Variants in ADTRP observed in about 807,000 individuals in gnomAD.
ADTRP encodes androgen dependent TFPI regulating protein, also known as androgen-dependent TFPI-regulating protein.
In ADTRP, 20 loss-of-function variants were observed where a neutral mutation model predicts 27.0. The observed-to-expected ratio is 0.74, with a 90% CI of 0.52 to 1.08. ADTRP has a LOEUF of 1.08. Among genes scored for constraint, ADTRP ranks in the 50% least tolerant of loss-of-function variants. The pLI is 0.00. For missense variants in ADTRP, 251 were observed against 275.0 expected (o/e 0.91, Z 0.62); for synonymous variants, 101 against 105.2 (o/e 0.96, Z 0.25).
chr6:11,765,725 A>G (rs1053646497), intron 3 of ADTRP, among the ~76,000 whole-genome samples: 6 of 151,940 alleles, frequency 3.9e-5, no homozygotes, highest in Non-Finnish European at 7.4e-5. Context: ...GGTTCCAGTG[A>G]CCTAAAAATC....
chr6:11,748,071 T>C (rs1762924639), intron 3 of ADTRP, among the ~76,000 whole-genome samples: 1 of 152,186 alleles, frequency 6.6e-6, no homozygotes, highest in Non-Finnish European at 1.5e-5. Context: ...GAACAGACAT[T>C]GATTCGCCTC....
chr6:11,715,527 G>A (rs918989426), intron 5 of ADTRP, among the ~76,000 whole-genome samples: 8 of 151,816 alleles, frequency 5.3e-5, no homozygotes, highest in African/African-American at 1.7e-4. Context: ...TGTCTTCTTC[G>A]TCTGCTCCTC....
chr6:11,770,620 T>G (rs1763740910), intron 1 of ADTRP, among the ~76,000 whole-genome samples: 1 of 151,890 alleles, frequency 6.6e-6, no homozygotes, highest in African/African-American at 2.4e-5. Context: ...CAGAAAGGGG[T>G]GTCCCAGGGA....
chr6:11,718,912 C>T (rs1699185705), intron 5 of ADTRP, among the ~76,000 whole-genome samples: 1 of 152,226 alleles, frequency 6.6e-6, no homozygotes, highest in Admixed American at 6.5e-5. Flanking sequence ...AGCCAGTTCC[C>T]TGCAACTGAG....
chr6:11,734,095 T>A (rs1762470185), intron 4 of ADTRP, among the ~76,000 whole-genome samples: 2 of 152,156 alleles, frequency 1.3e-5, no homozygotes, highest in African/African-American at 4.8e-5. Context: ...GCATACAAAT[T>A]CATGTGTATA....
Position 11,732,498 on chromosome 6 carries a change from G to A in ADTRP, c.506+3070C>T, listed in dbSNP as rs755969039. Among the ~76,000 whole-genome samples, 8 of 152,340 alleles carry A rather than the reference G, an allele frequency of 5.3e-5. No individual in the cohort carries two copies. The East Asian group carries it at 7.7e-4, about 15-fold the overall frequency. On this transcript the variant is annotated intron_variant, in intron 4 of 5. Transcript: ENST00000414691. ...AGGAGCCAGGGGCCCTGGAAACTGCGTAAGGGTGGGGTTGGCAGGCACCAA... is the reference window on the plus strand; with the variant it reads ...AGGAGCCAGGGGCCCTGGAAACTGCATAAGGGTGGGGTTGGCAGGCACCAA...
At chr6:11,726,886 G>A (rs1258503239) in intron 4 of ADTRP, among the ~76,000 whole-genome samples, 4 of 152,202 alleles carry the variant, frequency 2.6e-5, no homozygotes, top group African/African-American at 9.7e-5. Flanking sequence ...TCATATAAAT[G>A]TAGGGTTGGC....
intron 3 of ADTRP, among the ~76,000 whole-genome samples, chr6:11,752,495 T>G (rs930736983): frequency 3.3e-5 from 5 of 152,104 alleles, no homozygotes; most frequent in African/African-American, 1.2e-4. Flanking sequence ...GTTTCAAGGC[T>G]TAGGAAGCTG....
At chr6:11,726,245 G>A (rs1036800780) in intron 4 of ADTRP, among the ~76,000 whole-genome samples, 3 of 152,172 alleles carry the variant, frequency 2.0e-5, no homozygotes, top group Non-Finnish European at 2.9e-5. Flanking sequence ...AGGAGGCAGC[G>A]GGGAATGCTA....
Position 11,778,782 on chromosome 6 carries a change from G to A in ADTRP, c.-23C>T, listed in dbSNP as rs376523826. ...CATGGCGAGTGCTGACCGGGGCACC[G>A]TGAATGTCTTGAGTACTTTCTGGCG... On this transcript the variant is annotated 5_prime_UTR_variant, in exon 1 of 6. The change creates a new upstream start codon in the 5' untranslated region. Transcript: ENST00000414691. The A allele has an allele frequency of 1.6e-4, 254 of 1,609,846 alleles. No individual in the cohort carries two copies. The African/African-American group carries it at 2.9e-3, about 18-fold the overall frequency.
chr6:11,778,525 A>C lies in ADTRP; in HGVS notation c.153+82T>G, dbSNP rs1163255512. On this transcript the variant is annotated intron_variant, in intron 1 of 5. Coordinates refer to ENST00000414691, the MANE Select transcript of ADTRP (RefSeq NM_032744.4). ...GACAAATAACAAAATTGTGTATTTA[A>C]TAAAATCCAAAGATGATATGTGTGG... The C allele has an allele frequency of 1.6e-5, 23 of 1,459,746 alleles. No individual in the cohort carries two copies. The East Asian group carries it at 5.2e-4, about 33-fold the overall frequency. The allele number at this position is 1,459,746 out of a possible 1,614,324, so 90.4% of individuals were successfully genotyped here.
Position 11,735,554 on chromosome 6 carries a change from C to A in ADTRP, c.506+14G>T. 1 of 1,594,588 alleles carries A rather than the reference C, an allele frequency of 6.3e-7. No homozygotes were observed. The highest frequency in any genetic ancestry group is 1.1e-5 in the South Asian group (1 of 90,106). ...ACGACAAGCCTAAGTTGACTTTCTCCATGTAATTCTTACCGGCTGATGTAA... is the reference window on the plus strand; with the variant it reads ...ACGACAAGCCTAAGTTGACTTTCTCAATGTAATTCTTACCGGCTGATGTAA... On this transcript the variant is annotated intron_variant, in intron 4 of 5. Transcript: ENST00000414691.
chr6:11,714,228 C>T lies in ADTRP; in HGVS notation c.*250G>A, dbSNP rs913495103. On this transcript the variant is annotated 3_prime_UTR_variant, in exon 6 of 6. Transcript: ENST00000414691. ...GATTTTAACCAGAGACCATCCTCCACGAAGGTCAAAGATAATTAATTCTGA... is the reference window on the plus strand; with the variant it reads ...GATTTTAACCAGAGACCATCCTCCATGAAGGTCAAAGATAATTAATTCTGA... 5.1e-5 allele frequency: 24 copies of T among 472,134 alleles called. No individual in the cohort carries two copies. Among genetic ancestry groups the T allele is most frequent in the Non-Finnish European group, 7.2e-5 (19 of 265,136 alleles). The allele number at this position is 472,134 out of a possible 1,614,324, so 29.2% of individuals were successfully genotyped here. A position where few individuals can be genotyped will look rare whatever the true frequency, so the allele number is the denominator to read the frequency against.
At chr6:11,734,782 C>T (rs1048470830) in intron 4 of ADTRP, among the ~76,000 whole-genome samples, 6 of 152,124 alleles carry the variant, frequency 3.9e-5, no homozygotes, top group East Asian at 3.8e-4. Context: ...ATATAGGGAT[C>T]GGAGGGTTGT....
intron 3 of ADTRP, among the ~76,000 whole-genome samples, chr6:11,761,503 A>T (rs1035418106): frequency 1.3e-5 from 2 of 152,204 alleles, no homozygotes; most frequent in African/African-American, 2.4e-5. Context: ...TATATTGCAT[A>T]TTAGATTAGG....
intron 3 of ADTRP, among the ~76,000 whole-genome samples, chr6:11,747,093 G>C (rs1219091083): frequency 1.3e-5 from 2 of 152,210 alleles, no homozygotes; most frequent in African/African-American, 2.4e-5. Context: ...TCCTGAGAAC[G>C]CAAGCCTGGG....
At chr6:11,767,914 C>A in intron 2 of ADTRP, 1 of 229,968 alleles carries the variant, frequency 4.3e-6, no homozygotes, top group Non-Finnish European at 8.4e-6. Context: ...ATCTCCCTCC[C>A]CAGGGCTCTC....
At chr6:11,765,538 C>T (rs182560977) in intron 3 of ADTRP, among the ~76,000 whole-genome samples, 3 of 151,996 alleles carry the variant, frequency 2.0e-5, no homozygotes, top group African/African-American at 7.2e-5. Flanking sequence ...AATCTGAGAC[C>T]TTTTTATAAT....
intron 3 of ADTRP, among the ~76,000 whole-genome samples, chr6:11,741,721 T>TAAAAA (rs66700409): frequency 0.028 from 4,170 of 151,106 alleles, 102 homozygotes; most frequent in Admixed American, 0.083. Flanking sequence ...AGATTTTTTT[T>TAAAAA]AAAAAAAAAA....
Sources: allele counts gnomAD v4.1 joint callset (sites outside exome capture counted in the v4.1 genomes callset), GRCh38; gene constraint gnomAD v4.1.1; transcripts MANE v1.5; gene names NCBI Gene and HGNC (gene_info 2026-07-23, HGNC 2026-07-21).